Variants in MAK observed in about 807,000 individuals in gnomAD.
MAK encodes male germ cell associated kinase.
Under a neutral mutation model 82.6 loss-of-function variants are expected in MAK, and 65 were observed. That is an observed-to-expected ratio of 0.79 (90% CI 0.64 to 0.97). The LOEUF (loss-of-function observed/expected upper bound fraction) is 0.97. Among genes scored for constraint, MAK ranks in the 50% least tolerant of loss-of-function variants. The pLI is 0.00. For synonymous variants in MAK, 250 were observed against 274.2 expected (o/e 0.91, Z 0.87); for missense variants, 703 against 780.2 (o/e 0.90, Z 1.18).
intron 2 of MAK, among the ~76,000 whole-genome samples, chr6:10,821,687 C>G (rs922007997): frequency 1.3e-5 from 2 of 152,176 alleles, no homozygotes; most frequent in African/African-American, 4.8e-5. Context: ...AATCTGCACT[C>G]TCACTGGCAT....
At chr6:10,811,549 C>G (rs748966644) in intron 5 of MAK, among the ~76,000 whole-genome samples, 1 of 152,164 alleles carries the variant, frequency 6.6e-6, no homozygotes, top group Non-Finnish European at 1.5e-5. Context: ...TAAATCAACC[C>G]AGGCAAATGT....
rs534436534 is a variant in MAK at position 10,801,558 on chromosome 6, A to G, written c.831+334T>C. Among the ~76,000 whole-genome samples the G allele has an allele frequency of 2.6e-5, 4 of 152,322 alleles. No individual in the cohort carries two copies. The South Asian group carries it at 8.3e-4, about 32-fold the overall frequency. ...TCTACTATGTGGAATGATTCATGAG[A>G]TGCCTTTTTGCTTCCATGACAGATT... On this transcript the variant is annotated intron_variant, in intron 8 of 14. Transcript: ENST00000354489.
At chr6:10,779,280 C>T in intron 11 of MAK, 1 of 932,670 alleles carries the variant, frequency 1.1e-6, no homozygotes, top group Non-Finnish European at 1.3e-6. Flanking sequence ...CAATTGCATA[C>T]TGTATTTGCA....
intron 13 of MAK, among the ~76,000 whole-genome samples, chr6:10,772,647 C>A (rs1773119277): frequency 6.6e-6 from 1 of 151,748 alleles, no homozygotes; most frequent in South Asian, 2.1e-4. Flanking sequence ...CCAGCCTAAC[C>A]TTTTTAAAAA....
intron 3 of MAK, 46 bp from the exon 4 acceptor site, chr6:10,818,017 C>A: frequency 8.0e-7 from 1 of 1,245,766 alleles, no homozygotes; most frequent in Non-Finnish European, 1.1e-6. Context: ...AAAAAACTTA[C>A]AGAATTTGGC....
At chr6:10,805,249 C>T (rs1251893172) in intron 6 of MAK, among the ~76,000 whole-genome samples, 1 of 152,116 alleles carries the variant, frequency 6.6e-6, no homozygotes, top group African/African-American at 2.4e-5. Flanking sequence ...GTATGTATAG[C>T]TTACATGTAT....
At chr6:10,772,892 T>C (rs1472079971) in intron 13 of MAK, 142 bp downstream of exon 13, 2 of 531,250 alleles carry the variant, frequency 3.8e-6, no homozygotes, top group Non-Finnish European at 6.7e-6. Flanking sequence ...GACAGAATGC[T>C]TTTCTTTATC....
chr6:10,777,359 C>G (rs1030762489), intron 11 of MAK, among the ~76,000 whole-genome samples: 2 of 151,298 alleles, frequency 1.3e-5, no homozygotes, highest in South Asian at 4.2e-4. Flanking sequence ...TTGCAATGAG[C>G]TGAGACTGTG....
chr6:10,773,718 A>G (rs1380578617), intron 12 of MAK, among the ~76,000 whole-genome samples: 4 of 149,304 alleles, frequency 2.7e-5, no homozygotes, highest in Non-Finnish European at 1.5e-5. Flanking sequence ...TTGAGACAGA[A>G]TCTCGCTCTG....
chr6:10,784,989 TG>T (rs1421715922), intron 10 of MAK: 2 of 440,058 alleles, frequency 4.5e-6, no homozygotes, highest in Non-Finnish European at 9.1e-6. Context: ...AAAACTGAAA[TG>T]GGGAAAGAAG....
chr6:10,810,112 A>G lies in MAK; in HGVS notation c.359-1170T>C, dbSNP rs557716655. Among the ~76,000 whole-genome samples, 297 of 139,040 alleles carry G rather than the reference A, an allele frequency of 2.1e-3. 1 individual carries two copies. Among genetic ancestry groups the G allele is most frequent in the Middle Eastern group, 0.012 (3 of 256 alleles). 91.2% of individuals were successfully genotyped at this position (139,040 alleles called of 152,430 possible). On this transcript the variant is annotated intron_variant, in intron 5 of 14. Transcript: ENST00000354489. ...GACACTGTCTCAAAAAAAAAAAAAA[A>G]AAAGAAAGAAAAGAAAAAGAAAACC...
At chr6:10,798,799 ATTATTTATTTAT>A (rs59455975) in intron 8 of MAK, among the ~76,000 whole-genome samples, 4,789 of 144,970 alleles carry the variant, frequency 0.033, 251 homozygotes, top group African/African-American at 0.11. Context: ...GTTTAGAAAC[ATTATTTATTTAT>A]TTATTTATTT....
chr6:10,772,900 A>T, intron 13 of MAK, 134 bp downstream of exon 13: 1 of 579,184 alleles, frequency 1.7e-6, no homozygotes, highest in African/African-American at 1.9e-5. Context: ...GCTTTTCTTT[A>T]TCTTAGTCCT....
chr6:10,768,156 T>A (rs904896077), intron 14 of MAK, among the ~76,000 whole-genome samples: 16 of 152,040 alleles, frequency 1.1e-4, no homozygotes, highest in Admixed American at 5.9e-4. Flanking sequence ...GATAGAATAA[T>A]TAATATATAA....
intron 6 of MAK, among the ~76,000 whole-genome samples, chr6:10,806,927 G>A (rs1265514987): frequency 6.6e-6 from 1 of 152,098 alleles, no homozygotes; most frequent in East Asian, 1.9e-4. Context: ...CTTCCCAGCC[G>A]CAGGTGTTCC....
rs1340069884 is a variant in MAK, at chr6:10,800,547, A to G, written c.831+1345T>C. On this transcript the variant is annotated intron_variant, in intron 8 of 14. Coordinates refer to ENST00000354489, the MANE Select transcript of MAK (RefSeq NM_001242957.3). The surrounding 1 kb of genome is among the most constrained non-coding windows in gnomAD (Gnocchi z 4.2). ...GGTGCTTTTTTTTTTACACTTTGAAAATGTAATCCTGGTCGGGCGCGGTGG... is the reference window on the plus strand; with the variant it reads ...GGTGCTTTTTTTTTTACACTTTGAAGATGTAATCCTGGTCGGGCGCGGTGG... Among the ~76,000 whole-genome samples the G allele has an allele frequency of 6.6e-6, 1 of 151,802 alleles. No individual in the cohort carries two copies. Among genetic ancestry groups the G allele is most frequent in the Non-Finnish European group, 1.5e-5 (1 of 67,964 alleles).
chr6:10,835,994 C>T (rs536929), intron 1 of MAK, among the ~76,000 whole-genome samples: 8,452 of 152,298 alleles, frequency 0.055, 262 homozygotes, highest in Admixed American at 0.099. Flanking sequence ...CCCAAGCCTG[C>T]GTGCACAGTC....
chr6:10,828,152 G>A (rs914651266), intron 2 of MAK, among the ~76,000 whole-genome samples: 1 of 152,012 alleles, frequency 6.6e-6, no homozygotes, highest in Non-Finnish European at 1.5e-5. Flanking sequence ...AATATTTTAT[G>A]AAGTTATTTC....
intron 2 of MAK, among the ~76,000 whole-genome samples, chr6:10,820,648 G>C (rs1777878695): frequency 6.6e-6 from 1 of 152,086 alleles, no homozygotes; most frequent in Non-Finnish European, 1.5e-5. Flanking sequence ...GACCTCAAGG[G>C]CATCACTGCT....
Sources: gnomAD v4.1 joint callset for allele counts (sites outside exome capture counted in the v4.1 genomes callset) on GRCh38, gnomAD v4.1.1 for gene constraint, Gnocchi (gnomAD v3.1) non-coding constraint, MANE v1.5 for transcripts, NCBI Gene and HGNC (gene_info 2026-07-23, HGNC 2026-07-21) for gene names.